The following CCKBR variants were observed in gnomAD, a reference collection of about 807,000 sequenced individuals.
CCKBR encodes the protein gastrin/cholecystokinin type B receptor.
A neutral mutation model predicts 34.6 loss-of-function variants in CCKBR; 33 were observed. The ratio of observed to expected loss-of-function variants is 0.95; its 90% CI spans 0.72 to 1.27. The LOEUF is 1.27. CCKBR is among the 50% of genes most tolerant of loss of function. The pLI is 0.00. For synonymous variants in CCKBR, 269 were observed against 267.5 expected (o/e 1.01, Z -0.06); for missense variants, 652 against 617.4 (o/e 1.06, Z -0.59).
chr11:6,264,340 C>G (rs1296719711), intron 1 of CCKBR: 2 of 566,168 alleles, frequency 3.5e-6, no homozygotes, highest in Non-Finnish European at 6.3e-6. Context: ...CAGATCAAAC[C>G]TGCCAGTAGA....
chr11:6,269,854 CTGCCCAATCTCA>C lies in CCKBR; in HGVS notation c.340_351del (p.Pro114_Met117del), dbSNP rs773747404. The C allele has an allele frequency of 1.9e-6, 3 of 1,614,114 alleles. No individual in the cohort carries two copies. The highest frequency in any genetic ancestry group is 2.5e-6 in the Non-Finnish European group (3 of 1,179,970). On this transcript the variant is annotated inframe_deletion, in exon 2 of 5. Coordinates refer to ENST00000334619, the MANE Select transcript of CCKBR (RefSeq NM_176875.4). ...TGTGGCTTGCATGCCCTTCACCCTCCTGCCCAATCTCATGGGCACATTCATCTTTGGCACCGT... is the reference window on the plus strand; with the variant it reads ...TGTGGCTTGCATGCCCTTCACCCTCCTGGGCACATTCATCTTTGGCACCGT...
Position 6,260,083 on chromosome 11 carries a change from G to T in CCKBR, c.151+4G>T. 6.3e-7 allele frequency: 1 copy of T among 1,588,766 alleles called. No individual in the cohort carries two copies. On this transcript the variant is annotated splice_donor_region_variant and intron_variant, in intron 1 of 4. Transcript: ENST00000334619. ...ATTCGCGGAGCCGGGACACGAGGTG[G>T]GTGCCTCCCTCAGCCCCCCCCACAA...
chr11:6,265,707 T>G (rs1433698406), intron 1 of CCKBR, among the ~76,000 whole-genome samples: 1 of 152,204 alleles, frequency 6.6e-6, no homozygotes. Flanking sequence ...TCAAATTTTG[T>G]CACCTATAAG....
At chr11:6,260,799 G>A (rs1848118374) in intron 1 of CCKBR, among the ~76,000 whole-genome samples, 1 of 152,208 alleles carries the variant, frequency 6.6e-6, no homozygotes. Flanking sequence ...GGGGCACAGG[G>A]CAAACTAGAC....
chr11:6,271,357 C>T lies in CCKBR; in HGVS notation c.1158C>T (p.Asn386=), dbSNP rs141279039. ...TGAGCTACGCCTCGGCCTGTGTCAA[C>T]CCCCTGGTCTACTGCTTCATGCACC... ...HLLSYASACV[N]PLVYCFMHRR... is the part of the protein sequence containing the mutation. Residue 386 remains asparagine (N), a synonymous_variant, in exon 5 of 5, where the codon AAC becomes AAT. Transcript: ENST00000334619. 10 of 1,614,170 alleles carry T rather than the reference C, an allele frequency of 6.2e-6. No individual in the cohort carries two copies. Among genetic ancestry groups the T allele is most frequent in the Non-Finnish European group, 7.6e-6 (9 of 1,180,018 alleles).
In CCKBR at chr11:6,271,305, G is replaced by A; in HGVS notation, c.1106G>A (p.Gly369Asp). ...CCGGGTGCACACCGAGCACTCTCGG[G>A]TGCTCCTATCTCCTTCATTCACTTG... ...DGPGAHRALSGAPISFIHLLS... is the reference protein window; with the variant it reads ...DGPGAHRALSDAPISFIHLLS... Residue 369 changes from glycine (G) to aspartate (D), a missense_variant, in exon 5 of 5, where the codon GGT becomes GAT. Transcript: ENST00000334619. 1 of 1,614,242 alleles carries A rather than the reference G, an allele frequency of 6.2e-7. No homozygotes were observed. Among genetic ancestry groups the A allele is most frequent in the Non-Finnish European group, 8.5e-7 (1 of 1,180,034 alleles).
chr11:6,270,707 G>A lies in CCKBR; in HGVS notation c.715G>A (p.Gly239Arg). ...GGGTGTGGTTATGGCCGTGGCCTAC[G>A]GGCTTATCTCTCGCGAGCTCTACTT... is the stretch of plus-strand genomic sequence containing the variant. Reference protein sequence around the residue: ...IPGVVMAVAYGLISRELYLGL... With the variant: ...IPGVVMAVAYRLISRELYLGL... The change falls in exon 4 of 5, where the codon GGG becomes AGG. Residue 239 changes from glycine to arginine, a missense_variant. By Grantham distance (125) the Gly-to-Arg change is moderately radical. Coordinates refer to ENST00000334619, the MANE Select transcript of CCKBR (RefSeq NM_176875.4). The A allele has an allele frequency of 1.9e-6, 3 of 1,614,140 alleles. No individual in the cohort carries two copies. Among genetic ancestry groups the A allele is most frequent in the Non-Finnish European group, 2.5e-6 (3 of 1,179,980 alleles).
At chr11:6,268,091 G>A (rs1326492820) in intron 1 of CCKBR, among the ~76,000 whole-genome samples, 8 of 152,266 alleles carry the variant, frequency 5.3e-5, no homozygotes, top group Admixed American at 3.3e-4. Flanking sequence ...TGATCCTCCC[G>A]CCTTGGCCTC....
rs2133908277 is a variant in CCKBR at position 6,271,721 on chromosome 11, T to C, written c.*178T>C. ...AGAGGAATAAGAATGGAGCAGTACA[T>C]GGGAAAGGAGGCATGCCTCTGATAT... is the stretch of plus-strand genomic sequence containing the variant. On this transcript the variant is annotated 3_prime_UTR_variant, in exon 5 of 5. Coordinates refer to ENST00000334619, the MANE Select transcript of CCKBR (RefSeq NM_176875.4). 3.2e-6 allele frequency: 2 copies of C among 626,866 alleles called. No homozygotes were observed. The highest frequency in any genetic ancestry group is 2.7e-6 in the Non-Finnish European group (1 of 374,078). The allele number at this position is 626,866 out of a possible 1,614,324, so 38.8% of individuals were successfully genotyped here.
Position 6,271,263 on chromosome 11 carries a change from GGC to G in CCKBR, c.1069_1070del (p.Ala357LeufsTer2), listed in dbSNP as rs774873372. ...TTGCCAGTTTATAGTGCCAACACGTGGCGCGCCTTTGATGGCCCGGGTGCACA... is the reference window on the plus strand; with the variant it reads ...TTGCCAGTTTATAGTGCCAACACGTGGCGCCTTTGATGGCCCGGGTGCACA... On this transcript the variant is annotated frameshift_variant, in exon 5 of 5. Coordinates refer to ENST00000334619, the MANE Select transcript of CCKBR (RefSeq NM_176875.4). LOFTEE classifies it high-confidence loss of function. 6.2e-7 allele frequency: 1 copy of G among 1,614,194 alleles called. No homozygotes were observed. The highest frequency in any genetic ancestry group is 8.5e-7 in the Non-Finnish European group (1 of 1,180,026).
At chr11:6,266,036 G>A (rs1848204633) in intron 1 of CCKBR, among the ~76,000 whole-genome samples, 1 of 152,130 alleles carries the variant, frequency 6.6e-6, no homozygotes, top group South Asian at 2.1e-4. Flanking sequence ...TGAGTGCTAG[G>A]GATATACTGG....
chr11:6,261,462 T>TATATACACACACACACACAC (rs764173521), intron 1 of CCKBR, among the ~76,000 whole-genome samples: 1 of 64,016 alleles, frequency 1.6e-5, no homozygotes, highest in African/African-American at 6.0e-5. Flanking sequence ...AAAATATATA[T>TATATACACACACACACACAC]ACACACACAC....
At chr11:6,269,286 G>T (rs1418741653) in intron 1 of CCKBR, among the ~76,000 whole-genome samples, 1 of 151,834 alleles carries the variant, frequency 6.6e-6, no homozygotes, top group African/African-American at 2.4e-5. Flanking sequence ...AAGGACCTTT[G>T]AATTTAGCAG....
chr11:6,270,928 C>G (rs954397401), intron 4 of CCKBR, 83 bp from the exon 5 acceptor site: 3 of 1,611,848 alleles, frequency 1.9e-6, no homozygotes, highest in African/African-American at 1.3e-5. Context: ...TGGAGTTGAG[C>G]TGGGAGCGGA....
chr11:6,269,011 T>C lies in CCKBR; in HGVS notation c.152-658T>C, dbSNP rs558802099. 1.1e-4 allele frequency among the ~76,000 whole-genome samples: 17 copies of C among 150,272 alleles called. No homozygotes were observed. The South Asian group carries it at 3.6e-3, about 32-fold the overall frequency. ...GGGAGAGAGTCACAAGTGCAAATGA[T>C]GCATTCAAGAAATTGAGTCATCCAG... On this transcript the variant is annotated intron_variant, in intron 1 of 4. Transcript: ENST00000334619.
In CCKBR at chr11:6,260,098, C is replaced by T. The variant is rs199635212; in HGVS notation, c.151+19C>T. 125 of 1,572,080 alleles carry T rather than the reference C, an allele frequency of 8.0e-5. 3 individuals carry two copies. The South Asian group carries it at 8.2e-4, about 10-fold the overall frequency. On this transcript the variant is annotated intron_variant, in intron 1 of 4. Transcript: ENST00000334619. ...ACACGAGGTGGGTGCCTCCCTCAGCCCCCCCCACAAGCTATTTCTCACTGT... is the reference window on the plus strand; with the variant it reads ...ACACGAGGTGGGTGCCTCCCTCAGCTCCCCCCACAAGCTATTTCTCACTGT...
In CCKBR at chr11:6,271,484, T is replaced by A. The variant is rs555585232; in HGVS notation, c.1285T>A (p.Ser429Thr). 1 of 1,611,708 alleles carries A rather than the reference T, an allele frequency of 6.2e-7. No individual in the cohort carries two copies. Among genetic ancestry groups the A allele is most frequent in the South Asian group, 1.1e-5 (1 of 91,024 alleles). ...ALPDEDPPTPSIASLSRLSYT... is the reference protein window; with the variant it reads ...ALPDEDPPTPTIASLSRLSYT... ...TCCCGATGAGGACCCTCCCACTCCC[T>A]CCATTGCTTCGCTGTCCAGGCTTAG... Residue 429 changes from serine (S) to threonine (T), a missense_variant, in exon 5 of 5, where the codon TCC becomes ACC. By Grantham distance (58) the Ser-to-Thr change is moderately conservative. Transcript: ENST00000334619.
intron 1 of CCKBR, chr11:6,264,504 G>T (rs1198541866): frequency 1.4e-6 from 1 of 697,872 alleles, no homozygotes; most frequent in African/African-American, 1.8e-5. Flanking sequence ...CTAAACACCA[G>T]GAGAAGAACT....
Position 6,271,427 on chromosome 11 carries a change from C to T in CCKBR, c.1228C>T (p.Pro410Ser). The change falls in exon 5 of 5, where the codon CCC (proline) becomes TCC (serine). Residue 410 changes from proline (P) to serine (S), a missense_variant. Physicochemically the swap from Pro to Ser is moderately conservative, Grantham distance 74 (BLOSUM62 -1). Transcript: ENST00000334619. ...CCTGGAAACTTGCGCTCGCTGCTGC[C>T]CCCGGCCTCCACGAGCTCGCCCCAG... The part of the protein sequence containing the change: ...ACLETCARCC[P>S]RPPRARPRAL... 1 of 1,613,754 alleles carries T rather than the reference C, an allele frequency of 6.2e-7. No individual in the cohort carries two copies. Among genetic ancestry groups the T allele is most frequent in the Non-Finnish European group, 8.5e-7 (1 of 1,180,038 alleles).
Sources: allele counts gnomAD v4.1 joint callset (sites outside exome capture counted in the v4.1 genomes callset), GRCh38; gene constraint gnomAD v4.1.1; transcripts MANE v1.5; gene names NCBI Gene and HGNC (gene_info 2026-07-23, HGNC 2026-07-21).